The following MYL11 variants were observed in gnomAD, a reference collection of about 807,000 sequenced individuals.
The protein encoded by MYL11 is myosin regulatory light chain 11.
At chr16:30,373,762 C>CA in the MYL11 span, among the ~76,000 whole-genome samples, 716 of 106,020 alleles carry the variant, frequency 6.8e-3, 5 homozygotes, top group Non-Finnish European at 0.011. Flanking sequence ...GACTCCATCT[C>CA]AAAAAAAAAA....
the MYL11 span, chr16:30,376,257 T>G: frequency 6.2e-7 from 1 of 1,607,612 alleles, no homozygotes; most frequent in Non-Finnish European, 8.5e-7. Context: ...TATTCAAGGC[T>G]GCAGAGTCTA....
the MYL11 span, chr16:30,376,755 A>C: frequency 6.6e-7 from 1 of 1,518,580 alleles, no homozygotes. Flanking sequence ...AGCTGCTCCC[A>C]CACTGACAGC....
At chr16:30,375,954 A>G in the MYL11 span, 2 of 1,598,376 alleles carry the variant, frequency 1.3e-6, no homozygotes, top group Non-Finnish European at 1.7e-6. Context: ...GACCAAAAGC[A>G]GCCCTGCTGG....
the MYL11 span, among the ~76,000 whole-genome samples, chr16:30,371,310 G>A: frequency 1.3e-5 from 2 of 152,062 alleles, no homozygotes; most frequent in Admixed American, 1.3e-4. Flanking sequence ...AGTCCTTTCC[G>A]GTCCCCTATT....
chr16:30,374,028 G>A, the MYL11 span, among the ~76,000 whole-genome samples: 1 of 151,646 alleles, frequency 6.6e-6, no homozygotes, highest in Non-Finnish European at 1.5e-5. Context: ...AAATAGAGAC[G>A]GGGGCCAGGC....
chr16:30,376,408 C>T, the MYL11 span: 1 of 1,608,620 alleles, frequency 6.2e-7, no homozygotes, highest in Non-Finnish European at 8.5e-7. Flanking sequence ...CCATGCTTCC[C>T]CCAACCCCCT....
chr16:30,371,088 T>A, the MYL11 span: 2 of 152,234 alleles, frequency 1.3e-5, no homozygotes, highest in African/African-American at 4.8e-5. Flanking sequence ...GTTCTCCCAC[T>A]TTGGCCACAG....
the MYL11 span, chr16:30,374,929 A>C: frequency 6.4e-7 from 1 of 1,570,774 alleles, no homozygotes; most frequent in Non-Finnish European, 8.6e-7. Flanking sequence ...CTTTGAAAGA[A>C]AGTAGCTGGT....
the MYL11 span, chr16:30,374,798 T>A: frequency 6.2e-7 from 1 of 1,605,818 alleles, no homozygotes; most frequent in Non-Finnish European, 8.5e-7. Context: ...GACTGCCCCA[T>A]GCTGACTCCT....
At chr16:30,377,839 A>C in the MYL11 span, 1 of 1,614,030 alleles carries the variant, frequency 6.2e-7, no homozygotes, top group African/African-American at 1.3e-5. Flanking sequence ...GTGGGCGGCA[A>C]CGTCGACTAC....
At chr16:30,377,784 G>A in the MYL11 span, 26 of 1,613,710 alleles carry the variant, frequency 1.6e-5, no homozygotes, top group Non-Finnish European at 2.1e-5. Context: ...ACGCCCCTAC[G>A]TCTTTCCCCA....
At chr16:30,375,477 A>AG in the MYL11 span, among the ~76,000 whole-genome samples, 3 of 151,648 alleles carry the variant, frequency 2.0e-5, no homozygotes, top group African/African-American at 7.3e-5. Flanking sequence ...AAAAAAAAAA[A>AG]AAAAGAAAAG....
chr16:30,377,907 C>T, the MYL11 span: 5 of 1,598,112 alleles, frequency 3.1e-6, no homozygotes, highest in Admixed American at 8.4e-5. Context: ...GTAGGGGCAC[C>T]CGCGGGCCTC....
chr16:30,377,614 G>GGAACCCAATC, the MYL11 span: 1 of 1,446,624 alleles, frequency 6.9e-7, no homozygotes, highest in Non-Finnish European at 9.2e-7. Flanking sequence ...AAAGGAACCA[G>GGAACCCAATC]GAACCCAATC....
chr16:30,375,897 C>G, the MYL11 span: 1 of 1,614,024 alleles, frequency 6.2e-7, no homozygotes, highest in Admixed American at 1.7e-5. Context: ...AGACTCAGAT[C>G]CAGGAGTTCA....
chr16:30,377,799 A>G, the MYL11 span: 47 of 1,613,912 alleles, frequency 2.9e-5, no homozygotes, highest in Admixed American at 1.7e-4. Context: ...TCCCCAGATC[A>G]AGAACATGTG....
the MYL11 span, among the ~76,000 whole-genome samples, chr16:30,374,532 G>A: frequency 4.6e-5 from 7 of 152,158 alleles, no homozygotes; most frequent in African/African-American, 1.2e-4. Flanking sequence ...CTTGGGTTGC[G>A]TCCCCTCTAA....
chr16:30,373,355 G>A, the MYL11 span, among the ~76,000 whole-genome samples: 1 of 152,186 alleles, frequency 6.6e-6, no homozygotes, highest in Admixed American at 6.5e-5. Context: ...CAGCACTTTG[G>A]GAGGCCGAGG....
At chr16:30,376,475 C>G in the MYL11 span, 1 of 1,614,094 alleles carries the variant, frequency 6.2e-7, no homozygotes, top group Non-Finnish European at 8.5e-7. Context: ...AGGAAGCCAG[C>G]GGTCCCATCA....
Sources: gnomAD v4.1 joint callset for allele counts (sites outside exome capture counted in the v4.1 genomes callset) on GRCh38, gnomAD v4.1.1 for gene constraint, MANE v1.5 for transcripts, NCBI Gene and HGNC (gene_info 2026-07-23, HGNC 2026-07-21) for gene names.